SNX3: variants seen among roughly 807,000 people sequenced by gnomAD.
SNX3 encodes sorting nexin 3.
Under a neutral mutation model 17.7 loss-of-function variants are expected in SNX3, and 5 were observed. That is an observed-to-expected ratio of 0.28 (90% CI 0.15 to 0.59). The LOEUF is 0.59. SNX3 is among the 20% of genes least tolerant of loss of function. SNX3 has a pLI of 0.88. For synonymous variants in SNX3, 91 were observed against 76.5 expected, an observed-to-expected ratio of 1.19 and a Z score of -0.99; for missense variants, 132 against 206.8, an observed-to-expected ratio of 0.64 and a Z score of 2.22.
intron 1 of SNX3, among the ~76,000 whole-genome samples, chr6:108,228,814 A>G (rs1483765421): frequency 6.6e-6 from 1 of 152,198 alleles, no homozygotes; most frequent in African/African-American, 2.4e-5. Flanking sequence ...ACACATACAA[A>G]AATATTTTAG....
intron 1 of SNX3, among the ~76,000 whole-genome samples, chr6:108,258,636 A>C (rs1216851482): frequency 6.6e-6 from 1 of 151,444 alleles, no homozygotes; most frequent in East Asian, 2.0e-4. Flanking sequence ...CAGCCTCTGG[A>C]GTAGCTGGGA....
At chr6:108,234,131 C>T (rs1394492787) in intron 1 of SNX3, among the ~76,000 whole-genome samples, 1 of 151,966 alleles carries the variant, frequency 6.6e-6, no homozygotes, top group Non-Finnish European at 1.5e-5. Flanking sequence ...AGATTCATTA[C>T]ATGTAGCATT....
chr6:108,212,392 T>A (rs1774433364), intron 3 of SNX3, 138 bp from the exon 4 acceptor site: 4 of 587,862 alleles, frequency 6.8e-6, no homozygotes, highest in Non-Finnish European at 8.8e-6. Flanking sequence ...CAGGCTGGAG[T>A]GCAGTGGCTG....
intron 1 of SNX3, among the ~76,000 whole-genome samples, chr6:108,243,757 T>A (rs1775598013): frequency 6.6e-6 from 1 of 151,880 alleles, no homozygotes; most frequent in Non-Finnish European, 1.5e-5. Context: ...ACATGGTGAA[T>A]CTCCGTCTCT....
chr6:108,253,772 T>C (rs1775942561), intron 1 of SNX3, among the ~76,000 whole-genome samples: 1 of 152,172 alleles, frequency 6.6e-6, no homozygotes, highest in Non-Finnish European at 1.5e-5. Flanking sequence ...ACAGATAGCA[T>C]GATAAGCAGC....
intron 1 of SNX3, among the ~76,000 whole-genome samples, chr6:108,238,101 C>CAAAAAAAAAAAAAA (rs11287104): frequency 4.7e-5 from 4 of 85,436 alleles, no homozygotes; most frequent in African/African-American, 1.9e-4. Flanking sequence ...GATCCTGTCT[C>CAAAAAAAAAAAAAA]AAAAAAAAAA....
rs780747111 is a variant in SNX3, at chr6:108,260,950, G to A, written c.-29C>T. On this transcript the variant is annotated 5_prime_UTR_variant, in exon 1 of 4. Coordinates refer to ENST00000230085, the MANE Select transcript of SNX3 (RefSeq NM_003795.6). ...GCTGTAGCTGCTGCCGCCGCCGCGG[G>A]CTCCCTCCGCCCCCTCCGCGTTCAG... The A allele has an allele frequency of 1.0e-5, 16 of 1,532,780 alleles. No individual in the cohort carries two copies. The highest frequency in any genetic ancestry group is 5.2e-5 in the East Asian group (2 of 38,450). The allele number at this position is 1,532,780 out of a possible 1,614,324, so 94.9% of individuals were successfully genotyped here.
At chr6:108,241,143 CAAAAAAAAAAAAA>C (rs71274311) in intron 1 of SNX3, among the ~76,000 whole-genome samples, 2 of 51,200 alleles carry the variant, frequency 3.9e-5, no homozygotes, top group African/African-American at 6.5e-5. Flanking sequence ...GACTCCGTCT[CAAAAAAAAAAAAA>C]AAAAAAAAAA....
At chr6:108,259,429 C>A (rs958738192) in intron 1 of SNX3, among the ~76,000 whole-genome samples, 1 of 152,150 alleles carries the variant, frequency 6.6e-6, no homozygotes, top group Non-Finnish European at 1.5e-5. Context: ...GATGGGGTTT[C>A]TCCATGCTGG....
intron 1 of SNX3, among the ~76,000 whole-genome samples, chr6:108,247,437 G>A (rs142789865): frequency 1.3e-5 from 2 of 151,962 alleles, no homozygotes; most frequent in East Asian, 1.9e-4. Flanking sequence ...GCACGACCAC[G>A]GCTTAATGTA....
intron 1 of SNX3, among the ~76,000 whole-genome samples, chr6:108,259,257 G>A (rs773693696): frequency 6.6e-6 from 1 of 152,108 alleles, no homozygotes; most frequent in Non-Finnish European, 1.5e-5. Context: ...TTTAGAGAAG[G>A]GATTTTGCTC....
At chr6:108,219,449 T>A (rs116711158) in intron 2 of SNX3, among the ~76,000 whole-genome samples, 5 of 152,076 alleles carry the variant, frequency 3.3e-5, no homozygotes, top group South Asian at 4.2e-4. Context: ...TTACAAAAAA[T>A]TTTTTAAAAT....
intron 1 of SNX3, among the ~76,000 whole-genome samples, chr6:108,233,546 C>T (rs1192431518): frequency 2.6e-5 from 4 of 152,032 alleles, no homozygotes; most frequent in Admixed American, 1.3e-4. Flanking sequence ...CCTAGGAGTT[C>T]GAGACCAGCC....
chr6:108,237,934 C>T (rs1337608401), intron 1 of SNX3, among the ~76,000 whole-genome samples: 1 of 151,230 alleles, frequency 6.6e-6, no homozygotes, highest in Admixed American at 6.6e-5. Flanking sequence ...CCTATCTTCA[C>T]TAAAAATACA....
intron 2 of SNX3, among the ~76,000 whole-genome samples, chr6:108,219,336 T>G (rs1774683911): frequency 6.6e-6 from 1 of 152,218 alleles, no homozygotes; most frequent in Admixed American, 6.5e-5. Context: ...CTAGGTGTGG[T>G]GGCTCATGCC....
chr6:108,250,937 G>A (rs552268318), intron 1 of SNX3, among the ~76,000 whole-genome samples: 1 of 152,302 alleles, frequency 6.6e-6, no homozygotes, highest in African/African-American at 2.4e-5. Context: ...TCTGCTAAGA[G>A]ATTAAGTGAT....
intron 1 of SNX3, among the ~76,000 whole-genome samples, chr6:108,226,477 T>C (rs1460905761): frequency 6.6e-6 from 1 of 152,212 alleles, no homozygotes. Context: ...TACTCAACAC[T>C]ATATATTCTC....
At chr6:108,256,429 T>C (rs1297143057) in intron 1 of SNX3, among the ~76,000 whole-genome samples, 2 of 152,164 alleles carry the variant, frequency 1.3e-5, no homozygotes, top group Non-Finnish European at 2.9e-5. Flanking sequence ...ATTTAGAAAA[T>C]GTCTATCTTT....
chr6:108,224,159 G>A (rs1239709827), intron 1 of SNX3, among the ~76,000 whole-genome samples: 1 of 152,136 alleles, frequency 6.6e-6, no homozygotes, highest in Non-Finnish European at 1.5e-5. Flanking sequence ...CCCAGAGACA[G>A]GGTCTCACTC....
Sources: gnomAD v4.1 joint callset for allele counts (sites outside exome capture counted in the v4.1 genomes callset) on GRCh38, gnomAD v4.1.1 for gene constraint, MANE v1.5 for transcripts, NCBI Gene and HGNC (gene_info 2026-07-23, HGNC 2026-07-21) for gene names.